The following PAPPA2 variants were observed in gnomAD, a reference collection of about 807,000 sequenced individuals.
The protein encoded by PAPPA2 is pappalysin-2.
A neutral mutation model predicts 176.4 loss-of-function variants in PAPPA2; 86 were observed. The observed-to-expected ratio is 0.49, with a 90% CI of 0.41 to 0.58. PAPPA2 has a LOEUF of 0.58. PAPPA2 is among the 20% of genes least tolerant of loss of function. PAPPA2 has a pLI of 0.00. For missense variants in PAPPA2, 2,073 were observed against 2,256.9 expected (o/e 0.92, Z 1.65); for synonymous variants, 809 against 852.2 (o/e 0.95, Z 0.88).
At chr1:176,671,695 G>A (rs997746123) in intron 4 of PAPPA2, among the ~76,000 whole-genome samples, 1 of 151,972 alleles carries the variant, frequency 6.6e-6, no homozygotes, top group African/African-American at 2.4e-5. Context: ...GATTAAGAAA[G>A]TGTGGCACAT....
chr1:176,592,693 T>C (rs1237188064), intron 2 of PAPPA2, among the ~76,000 whole-genome samples: 1 of 152,174 alleles, frequency 6.6e-6, no homozygotes, highest in South Asian at 2.1e-4. Context: ...TACATCTACC[T>C]GTGTGTATGC....
intron 17 of PAPPA2, among the ~76,000 whole-genome samples, chr1:176,786,197 C>A (rs529069481): frequency 1.3e-5 from 2 of 152,068 alleles, no homozygotes; most frequent in Admixed American, 6.5e-5. Flanking sequence ...GAGCTGCAAA[C>A]CCTTAATTGA....
intron 3 of PAPPA2, among the ~76,000 whole-genome samples, chr1:176,638,422 G>A (rs1211213219): frequency 1.3e-5 from 2 of 152,006 alleles, no homozygotes; most frequent in Non-Finnish European, 2.9e-5. Flanking sequence ...GTTTTGTTGA[G>A]CTCCGGTAGA....
chr1:176,594,475 C>T, intron 2 of PAPPA2, 49 bp from the exon 3 acceptor site: 2 of 1,486,178 alleles, frequency 1.3e-6, no homozygotes, highest in Non-Finnish European at 1.8e-6. Context: ...CTCCATTCCC[C>T]TTTGTATCTG....
intron 4 of PAPPA2, among the ~76,000 whole-genome samples, chr1:176,676,982 C>T (rs943185903): frequency 2.6e-5 from 4 of 152,128 alleles, no homozygotes; most frequent in Middle Eastern, 3.4e-3. Flanking sequence ...TATTCTTAAT[C>T]CTTTGAGAAA....
chr1:176,546,026 G>A (rs559270967), intron 1 of PAPPA2, among the ~76,000 whole-genome samples: 1 of 152,164 alleles, frequency 6.6e-6, no homozygotes, highest in Non-Finnish European at 1.5e-5. Context: ...TATGGCATTT[G>A]TTCCTGGAAT....
chr1:176,607,796 C>T (rs918109767), intron 3 of PAPPA2, among the ~76,000 whole-genome samples: 3 of 152,162 alleles, frequency 2.0e-5, no homozygotes, highest in Non-Finnish European at 4.4e-5. Flanking sequence ...GCTTTTATAA[C>T]TCACCAATAA....
intron 3 of PAPPA2, among the ~76,000 whole-genome samples, chr1:176,633,437 G>T (rs893313493): frequency 6.6e-6 from 1 of 152,138 alleles, no homozygotes; most frequent in Non-Finnish European, 1.5e-5. Flanking sequence ...GTTGCATCTT[G>T]TAAAAATTTG....
chr1:176,762,251 CTT>C (rs71565480), intron 14 of PAPPA2, among the ~76,000 whole-genome samples: 31 of 137,418 alleles, frequency 2.3e-4, no homozygotes, highest in Non-Finnish European at 2.9e-4. Flanking sequence ...GGGTTTGGTC[CTT>C]TTTTTTTTTT....
At chr1:176,656,983 A>G (rs757822507) in intron 3 of PAPPA2, among the ~76,000 whole-genome samples, 3 of 151,934 alleles carry the variant, frequency 2.0e-5, no homozygotes, top group Non-Finnish European at 2.9e-5. Flanking sequence ...ATTACTGGGC[A>G]ACTACTAAAT....
At chr1:176,608,192 C>T (rs2102673302) in intron 3 of PAPPA2, among the ~76,000 whole-genome samples, 1 of 152,290 alleles carries the variant, frequency 6.6e-6, no homozygotes, top group African/African-American at 2.4e-5. Flanking sequence ...TAATTAAAAA[C>T]ATTAGGCATT....
intron 3 of PAPPA2, among the ~76,000 whole-genome samples, chr1:176,655,661 A>G (rs946506943): frequency 6.6e-6 from 1 of 151,944 alleles, no homozygotes; most frequent in Middle Eastern, 3.4e-3. Flanking sequence ...GTGTGAAATG[A>G]TAGACAATGG....
intron 1 of PAPPA2, among the ~76,000 whole-genome samples, chr1:176,528,246 A>G (rs1047990181): frequency 6.6e-6 from 1 of 152,162 alleles, no homozygotes; most frequent in South Asian, 2.1e-4. Context: ...GCCCTTCCTC[A>G]TAGTCTGGTG....
Position 176,556,788 on chromosome 1 carries a change from T to A in PAPPA2, c.466T>A (p.Ser156Thr). 6.2e-7 allele frequency: 1 copy of A among 1,612,154 alleles called. No homozygotes were observed. Among genetic ancestry groups the A allele is most frequent in the Non-Finnish European group, 8.5e-7 (1 of 1,179,558 alleles). Residue 156 changes from serine (S) to threonine (T), a missense_variant, in exon 2 of 23, where the codon TCT becomes ACT. Physicochemically the swap from Ser to Thr is moderately conservative, Grantham distance 58. Transcript: ENST00000367662. ...AYLGNQRSKE[S>T]LGEAGIQKGS... ...TCTCGGCAATCAAAGATCCAAGGAG[T>A]CTCTAGGTGAGGCCGGGATTCAGAA...
Position 176,711,943 on chromosome 1 carries a change from G to A in PAPPA2, c.3760G>A (p.Glu1254Lys). ...ETQDDRSEQP[E>K]GSLKKEDEVW... ...TCAGGATGACAGGAGTGAACAGCCA[G>A]AAGGTAGCCTGAAGAAAGAGGATGA... Residue 1254 changes from glutamate to lysine, a missense_variant, in exon 12 of 23, where the codon GAA becomes AAA. By Grantham distance (56) the Glu-to-Lys change is moderately conservative. Around this residue, in one of 4 missense-constraint regions of PAPPA2, gnomAD observed 846 missense variants for 857.9 expected, o/e 0.99. Coordinates refer to ENST00000367662, the MANE Select transcript of PAPPA2 (RefSeq NM_020318.3). 1 of 1,613,668 alleles carries A rather than the reference G, an allele frequency of 6.2e-7. No individual in the cohort carries two copies. The highest frequency in any genetic ancestry group is 8.5e-7 in the Non-Finnish European group (1 of 1,179,626).
chr1:176,766,277 A>G (rs961628527), intron 15 of PAPPA2, among the ~76,000 whole-genome samples: 8 of 152,218 alleles, frequency 5.3e-5, no homozygotes, highest in Non-Finnish European at 1.2e-4. Context: ...AGAAGCATTA[A>G]AGCTGTTACT....
At chr1:176,720,735 C>T (rs994862001) in intron 12 of PAPPA2, among the ~76,000 whole-genome samples, 12 of 152,172 alleles carry the variant, frequency 7.9e-5, no homozygotes, top group African/African-American at 1.7e-4. Flanking sequence ...GATAGGCCCT[C>T]GGCAAGCGGG....
chr1:176,718,002 A>G (rs1052411361), intron 12 of PAPPA2, among the ~76,000 whole-genome samples: 19 of 152,148 alleles, frequency 1.2e-4, no homozygotes, highest in African/African-American at 4.6e-4. Context: ...TCTCAGCTCT[A>G]TGGAATATTT....
intron 1 of PAPPA2, among the ~76,000 whole-genome samples, chr1:176,543,260 G>C (rs768806768): frequency 1.2e-4 from 18 of 152,142 alleles, no homozygotes; most frequent in Non-Finnish European, 2.4e-4. Context: ...GTGTGTCAAT[G>C]GAAAGTGCTG....
Sources: gnomAD v4.1 joint callset for allele counts (sites outside exome capture counted in the v4.1 genomes callset) on GRCh38, gnomAD v4.1.1 for gene constraint, gnomAD v4.1.1 regional missense constraint, MANE v1.5 for transcripts, NCBI Gene and HGNC (gene_info 2026-07-23, HGNC 2026-07-21) for gene names.